FOXK2: variants seen among roughly 807,000 people sequenced by gnomAD.
The protein encoded by FOXK2 is forkhead box K2.
FOXK2 carries 24 observed loss-of-function variants against 53.3 expected under a neutral mutation model. The ratio of observed to expected loss-of-function variants is 0.45; its 90% CI spans 0.33 to 0.63. The LOEUF (loss-of-function observed/expected upper bound fraction) is 0.63, where lower values mean the gene tolerates loss of function less well. Ranked by LOEUF, FOXK2 falls within the 30% of genes least tolerant of loss-of-function variation. FOXK2 has a pLI of 0.03. For synonymous variants in FOXK2, 505 were observed against 407.1 expected, an observed-to-expected ratio of 1.24 and a Z score of -2.89; for missense variants, 952 against 910.5, an observed-to-expected ratio of 1.05 and a Z score of -0.59.
intron 8 of FOXK2, chr17:82,600,598 T>C (rs1442792240): frequency 1.3e-5 from 2 of 152,434 alleles, no homozygotes; most frequent in Non-Finnish European, 1.5e-5. Context: ...CTGGGCACTG[T>C]GGCTCAGCCA....
intron 1 of FOXK2, among the ~76,000 whole-genome samples, chr17:82,530,423 G>A (rs534630567): frequency 1.5e-5 from 2 of 137,628 alleles, no homozygotes; most frequent in African/African-American, 2.7e-5. Context: ...TCCAGCCTGG[G>A]CAACAAGAGT....
In FOXK2 at chr17:82,584,000, C is replaced by T. The variant is rs532399289; in HGVS notation, c.1104-13C>T. ...AGCTGTAACCATGCAATGTCTTCTTCTCGGTGACACAGGAGTGCCCCAGCC... is the reference window on the plus strand; with the variant it reads ...AGCTGTAACCATGCAATGTCTTCTTTTCGGTGACACAGGAGTGCCCCAGCC... On this transcript the variant is annotated splice_polypyrimidine_tract_variant and intron_variant, in intron 5 of 8. Transcript: ENST00000335255. The T allele has an allele frequency of 1.6e-5, 25 of 1,575,360 alleles. No homozygotes were observed. In the South Asian group the frequency reaches 2.8e-4, roughly 18 times the overall value.
intron 8 of FOXK2, among the ~76,000 whole-genome samples, chr17:82,597,031 T>G (rs1598241715): frequency 6.6e-6 from 1 of 152,146 alleles, no homozygotes. Flanking sequence ...CAGGGGCTGG[T>G]GAAGGCGGCG....
In FOXK2 at chr17:82,538,835, A is replaced by G. The variant is rs536672245; in HGVS notation, c.419+18528A>G. ...AGAAGGGACTTGTACCCTACGCCAT[A>G]CCCACAGCTCACAGCCACTCAGCCC... On this transcript the variant is annotated intron_variant, in intron 1 of 8. Coordinates refer to ENST00000335255, the MANE Select transcript of FOXK2 (RefSeq NM_004514.4). Among the ~76,000 whole-genome samples, 77 of 152,204 alleles carry G rather than the reference A, an allele frequency of 5.1e-4. 1 individual carries two copies. The highest frequency in any genetic ancestry group is 1.8e-3 in the African/African-American group (76 of 41,512).
chr17:82,566,623 C>T (rs1024472708), intron 2 of FOXK2, among the ~76,000 whole-genome samples: 1 of 152,156 alleles, frequency 6.6e-6, no homozygotes, highest in Non-Finnish European at 1.5e-5. Flanking sequence ...CCTTGAAGAC[C>T]CCACTTCAAG....
chr17:82,595,830 G>A (rs1019262627), intron 8 of FOXK2: 14 of 1,289,676 alleles, frequency 1.1e-5, no homozygotes, highest in Non-Finnish European at 1.2e-5. Flanking sequence ...GACTGGAGTT[G>A]CCTCAGTTGA....
At chr17:82,572,990 A>C (rs1309137619) in intron 4 of FOXK2, among the ~76,000 whole-genome samples, 1 of 152,096 alleles carries the variant, frequency 6.6e-6, no homozygotes, top group African/African-American at 2.4e-5. Flanking sequence ...TAGGATTTCG[A>C]GAGCAGCCTG....
rs115220079 is a variant in FOXK2, at chr17:82,585,769, A to G, written c.1280-135A>G. On this transcript the variant is annotated intron_variant, in intron 6 of 8. Transcript: ENST00000335255. ...CTCCCTCATTATTAGTAACTTTACTATTGTGAGGTGAAATAGGGCCATATC... is the reference window on the plus strand; with the variant it reads ...CTCCCTCATTATTAGTAACTTTACTGTTGTGAGGTGAAATAGGGCCATATC... 887 of 814,142 alleles carry G rather than the reference A, an allele frequency of 1.1e-3. 9 individuals are homozygous for G. In the African/African-American group the frequency reaches 0.014, roughly 13 times the overall value. 50.4% of individuals were successfully genotyped at this position (814,142 alleles called of 1,614,324 possible).
intron 4 of FOXK2, 154 bp downstream of exon 4, chr17:82,572,024 T>G (rs2044924299): frequency 8.4e-6 from 5 of 598,684 alleles, no homozygotes; most frequent in Non-Finnish European, 1.3e-5. Flanking sequence ...GGGCCGGTGC[T>G]GCCATGCTCT....
chr17:82,556,449 A>G (rs1468307138), intron 1 of FOXK2, among the ~76,000 whole-genome samples: 4 of 152,050 alleles, frequency 2.6e-5, no homozygotes, highest in Non-Finnish European at 5.9e-5. Flanking sequence ...GTCTAAAAAA[A>G]AAAAAAGCAA....
In FOXK2 at chr17:82,570,892, C is replaced by T. The variant is rs142215309; in HGVS notation, c.763-832C>T. Among the ~76,000 whole-genome samples, 461 of 152,306 alleles carry T rather than the reference C, an allele frequency of 3.0e-3. 4 individuals carry two copies. The highest frequency in any genetic ancestry group is 0.011 in the African/African-American group (442 of 41,576). ...AGGACCAGGGATGCCAGCCTGTCAG[C>T]GGGGCACTCAGCAGCCAGGATGTCT... On this transcript the variant is annotated intron_variant, in intron 3 of 8. Coordinates refer to ENST00000335255, the MANE Select transcript of FOXK2 (RefSeq NM_004514.4).
chr17:82,544,472 G>A (rs951861963), intron 1 of FOXK2, among the ~76,000 whole-genome samples: 1 of 152,122 alleles, frequency 6.6e-6, no homozygotes, highest in African/African-American at 2.4e-5. Context: ...AGATGCTTTG[G>A]AATCAGAGCA....
At chr17:82,559,153 C>G (rs1209772769) in intron 1 of FOXK2, among the ~76,000 whole-genome samples, 2 of 152,186 alleles carry the variant, frequency 1.3e-5, no homozygotes, top group African/African-American at 4.8e-5. Context: ...CTCGGCCTCC[C>G]AAAGTGCTGG....
At chr17:82,573,229 A>AT (rs1395560610) in intron 4 of FOXK2, among the ~76,000 whole-genome samples, 1 of 151,984 alleles carries the variant, frequency 6.6e-6, no homozygotes, top group Admixed American at 6.6e-5. Flanking sequence ...CACGTCTTCC[A>AT]TATTTCCTTT....
chr17:82,529,222 T>C (rs2144047682), intron 1 of FOXK2, among the ~76,000 whole-genome samples: 1 of 143,120 alleles, frequency 7.0e-6, no homozygotes. Flanking sequence ...AAGCGCCTTT[T>C]TTTTTTTTTT....
At chr17:82,537,142 C>A (rs2044528332) in intron 1 of FOXK2, among the ~76,000 whole-genome samples, 1 of 152,108 alleles carries the variant, frequency 6.6e-6, no homozygotes, top group Non-Finnish European at 1.5e-5. Flanking sequence ...GGGCCAGCCT[C>A]CAGCTGACCA....
At chr17:82,590,739 T>TTGTAG (rs1468073362) in intron 8 of FOXK2, among the ~76,000 whole-genome samples, 2 of 152,182 alleles carry the variant, frequency 1.3e-5, no homozygotes, top group African/African-American at 4.8e-5. Flanking sequence ...TTATACTAAA[T>TTGTAG]TGTAGTGTAG....
chr17:82,553,442 C>G (rs1375673034), intron 1 of FOXK2, among the ~76,000 whole-genome samples: 2 of 152,256 alleles, frequency 1.3e-5, no homozygotes, highest in African/African-American at 4.8e-5. Flanking sequence ...GGGACCAGAC[C>G]TGCTGCTCCT....
chr17:82,580,904 C>T (rs865864753), intron 4 of FOXK2, among the ~76,000 whole-genome samples: 26 of 150,964 alleles, frequency 1.7e-4, no homozygotes, highest in African/African-American at 6.1e-4. Context: ...CAGATCCCTC[C>T]CACACATGGC....
Sources: gnomAD v4.1 joint callset for allele counts (sites outside exome capture counted in the v4.1 genomes callset) on GRCh38, gnomAD v4.1.1 for gene constraint, MANE v1.5 for transcripts, NCBI Gene and HGNC (gene_info 2026-07-23, HGNC 2026-07-21) for gene names.